The following CHM variants were observed in gnomAD, a reference collection of about 807,000 sequenced individuals.
CHM encodes CHM Rab escort protein.
CHM carries 10 observed loss-of-function variants against 49.0 expected under a neutral mutation model. The observed-to-expected ratio is 0.20, with a 90% CI of 0.13 to 0.35. CHM has a LOEUF of 0.35. Among genes scored for constraint, CHM ranks in the 10% least tolerant of loss-of-function variants. CHM has a pLI of 1.00. For missense variants in CHM, 455 were observed against 478.4 expected (o/e 0.95, Z 0.46); for synonymous variants, 184 against 167.5 (o/e 1.10, Z -0.76).
chrX:85,988,305 C>A (rs929412544), intron 2 of CHM, among the ~76,000 whole-genome samples: 1 of 111,966 alleles, frequency 8.9e-6, no homozygotes, highest in Non-Finnish European at 1.9e-5. Flanking sequence ...AAATTCAACA[C>A]TCATTCATGT....
chrX:85,958,835 G>A lies in CHM; in HGVS notation c.819+26C>T, dbSNP rs1026610378. Reference sequence around the variant, plus strand: ...CCATAATAACTTAAGCTGATGCCCAGTTACAATTCTTGATCAGCACAGTAC... The same window carrying A: ...CCATAATAACTTAAGCTGATGCCCAATTACAATTCTTGATCAGCACAGTAC... On this transcript the variant is annotated intron_variant, in intron 6 of 14. Transcript: ENST00000357749. The A allele has an allele frequency of 3.1e-5, 38 of 1,206,875 alleles. No individual in the cohort carries two copies. In the Admixed American group the frequency reaches 5.9e-4, roughly 19 times the overall value.
chrX:85,999,411 C>G (rs1382973516), intron 2 of CHM, among the ~76,000 whole-genome samples: 1 of 110,723 alleles, frequency 9.0e-6, no homozygotes, highest in Non-Finnish European at 1.9e-5. Flanking sequence ...AAAACTGAAT[C>G]TAAATGAATT....
chrX:85,909,946 T>C (rs752771235), intron 9 of CHM, among the ~76,000 whole-genome samples: 6 of 111,931 alleles, frequency 5.4e-5, no homozygotes, highest in Admixed American at 3.8e-4. Context: ...TTCCTTAACT[T>C]CAACAGAGTT....
At chrX:85,912,159 G>T (rs962032880) in intron 8 of CHM, among the ~76,000 whole-genome samples, 1 of 111,033 alleles carries the variant, frequency 9.0e-6, no homozygotes, top group African/African-American at 3.3e-5. Context: ...ACATGTTAGG[G>T]GTTTGAAATT....
At position 86,027,477 on chromosome X, in the gene CHM, G is replaced by T; in HGVS notation, c.116+14C>A. 1 of 1,186,428 alleles carries T rather than the reference G, an allele frequency of 8.4e-7. No homozygotes were observed. The highest frequency in any genetic ancestry group is 3.0e-5 in the East Asian group (1 of 33,643). On this transcript the variant is annotated intron_variant, in intron 2 of 14. Transcript: ENST00000357749. ...TATTTAGGAAATATTAAATGCTATC[G>T]TTGATAAACTTACGAATCAACATGC...
intron 8 of CHM, among the ~76,000 whole-genome samples, chrX:85,925,411 A>G (rs1027196270): frequency 9.0e-6 from 1 of 111,529 alleles, no homozygotes; most frequent in African/African-American, 3.3e-5. Context: ...ATAAAATTGC[A>G]TTTTTCAGTC....
At chrX:86,038,975 C>T (rs1934348544) in intron 1 of CHM, among the ~76,000 whole-genome samples, 1 of 112,390 alleles carries the variant, frequency 8.9e-6, no homozygotes, top group Admixed American at 9.4e-5. Context: ...AATACCTCAA[C>T]CTTAGTCAGA....
intron 8 of CHM, among the ~76,000 whole-genome samples, chrX:85,942,257 T>A (rs1929148685): frequency 9.2e-6 from 1 of 108,431 alleles, no homozygotes. Flanking sequence ...CTTTTCCCCT[T>A]CCCTTAGCCC....
intron 1 of CHM, among the ~76,000 whole-genome samples, chrX:86,028,165 G>C (rs754947667): frequency 8.9e-6 from 1 of 112,304 alleles, no homozygotes; most frequent in Non-Finnish European, 1.9e-5. Flanking sequence ...ATGAGCAACT[G>C]TAACTACTAT....
intron 2 of CHM, 26 bp downstream of exon 2, chrX:86,027,465 T>C (rs755884963): frequency 1.0e-5 from 12 of 1,158,365 alleles, no homozygotes; most frequent in Non-Finnish European, 7.1e-6. Context: ...TTAGGAAATA[T>C]TAAATGCTAT....
intron 9 of CHM, among the ~76,000 whole-genome samples, chrX:85,907,641 CATG>C (rs1205013064): frequency 3.6e-5 from 4 of 111,541 alleles, no homozygotes; most frequent in Non-Finnish European, 5.7e-5. Context: ...TTCCATATAC[CATG>C]ATTTAGTGTG....
chrX:86,005,464 A>G lies in CHM; in HGVS notation c.116+22027T>C, dbSNP rs752222055. Among the ~76,000 whole-genome samples the G allele has an allele frequency of 4.5e-5, 5 of 111,887 alleles. No homozygotes were observed. In the East Asian group the frequency reaches 1.1e-3, roughly 25 times the overall value. On this transcript the variant is annotated intron_variant, in intron 2 of 14. Coordinates refer to ENST00000357749, the MANE Select transcript of CHM (RefSeq NM_000390.4). Reference sequence around the variant, plus strand: ...CACAAAAAACCCTTCAAAAAAATCAATGAATCCAGGGGCTGGTTTTTTGAA... The same window carrying G: ...CACAAAAAACCCTTCAAAAAAATCAGTGAATCCAGGGGCTGGTTTTTTGAA...
chrX:86,021,010 ATAT>A (rs1371954139), intron 2 of CHM, among the ~76,000 whole-genome samples: 1 of 99,165 alleles, frequency 1.0e-5, no homozygotes, highest in African/African-American at 3.6e-5. Context: ...GTATATATAT[ATAT>A]TTACACATAT....
chrX:85,866,902 T>C (rs1923734125), intron 14 of CHM, among the ~76,000 whole-genome samples: 2 of 113,070 alleles, frequency 1.8e-5, no homozygotes, highest in Admixed American at 9.3e-5. Flanking sequence ...CCATCGTATC[T>C]TGGAAGTAAC....
At chrX:86,027,947 G>A (rs1311508766) in intron 1 of CHM, among the ~76,000 whole-genome samples, 1 of 111,405 alleles carries the variant, frequency 9.0e-6, no homozygotes, top group Non-Finnish European at 1.9e-5. Context: ...ATTTTTAGTA[G>A]AGACAGGGTT....
At chrX:85,993,861 A>C (rs1932322980) in intron 2 of CHM, among the ~76,000 whole-genome samples, 1 of 111,756 alleles carries the variant, frequency 8.9e-6, no homozygotes. Context: ...GAACTACTCA[A>C]ATTCAGTATC....
In CHM at chrX:85,884,647, T is replaced by C. The variant is rs375067973; in HGVS notation, c.1511-5584A>G. 1.2e-4 allele frequency among the ~76,000 whole-genome samples: 13 copies of C among 111,346 alleles called. No individual in the cohort carries two copies. The East Asian group carries it at 2.5e-3, about 22-fold the overall frequency. ...GATGTGAAGGTAAACTTCAGTGGCA[T>C]ACGTATGATTTTACAAATTCTAAAT... On this transcript the variant is annotated intron_variant, in intron 12 of 14. Transcript: ENST00000357749.
chrX:85,894,609 G>A (rs527896816), intron 11 of CHM, among the ~76,000 whole-genome samples: 7 of 110,960 alleles, frequency 6.3e-5, no homozygotes, highest in South Asian at 3.8e-4. Context: ...ATTTAGCACC[G>A]ACATGATGCT....
chrX:85,979,262 CAG>C (rs1356193007), intron 3 of CHM, among the ~76,000 whole-genome samples: 2 of 111,316 alleles, frequency 1.8e-5, no homozygotes, highest in Admixed American at 9.5e-5. Context: ...TTAATAAAAA[CAG>C]GGCCTTTTTT....
Sources: gnomAD v4.1 joint callset for allele counts (sites outside exome capture counted in the v4.1 genomes callset) on GRCh38, gnomAD v4.1.1 for gene constraint, MANE v1.5 for transcripts, NCBI Gene and HGNC (gene_info 2026-07-23, HGNC 2026-07-21) for gene names.